MROH1: variants seen among roughly 807,000 people sequenced by gnomAD.
MROH1 encodes maestro heat like repeat family member 1, also known as maestro heat-like repeat-containing protein family member 1.
In MROH1, 117 loss-of-function variants were observed where a neutral mutation model predicts 116.5. The ratio of observed to expected loss-of-function variants is 1.00; its 90% CI spans 0.86 to 1.17. The LOEUF is 1.17. Ranked by LOEUF, MROH1 falls within the 50% of genes most tolerant of loss-of-function variation. MROH1 has a pLI of 0.00. For synonymous variants in MROH1, 921 were observed against 583.9 expected (o/e 1.58, Z -8.32); for missense variants, 1,873 against 1,338.5 (o/e 1.40, Z -6.23).
intron 12 of MROH1, among the ~76,000 whole-genome samples, chr8:144,203,702 A>G (rs1311810660): frequency 6.6e-6 from 1 of 152,110 alleles, no homozygotes; most frequent in African/African-American, 2.4e-5. Context: ...CACAGAAAGT[A>G]AAGCATCTGC....
chr8:144,183,686 G>T (rs1295709966), intron 7 of MROH1, among the ~76,000 whole-genome samples: 9 of 150,898 alleles, frequency 6.0e-5, no homozygotes, highest in Non-Finnish European at 8.8e-5. Flanking sequence ...TCGCTCTGTT[G>T]CCCAGGCTGG....
In MROH1 at chr8:144,223,172, G is replaced by C. The variant is rs1354461764; in HGVS notation, c.1280G>C (p.Gly427Ala). 1.9e-6 allele frequency: 3 copies of C among 1,612,516 alleles called. No individual in the cohort carries two copies. The highest frequency in any genetic ancestry group is 3.3e-5 in the Admixed American group (2 of 59,784). The change falls in exon 14 of 44, where the codon GGA becomes GCA. Residue 427 changes from glycine (G) to alanine (A), a missense_variant. Coordinates refer to ENST00000326134, the MANE Select transcript of MROH1 (RefSeq NM_032450.3). Reference protein sequence around the residue: ...MAHHGYLEQPGGEAMIEYIVQ... With the variant: ...MAHHGYLEQPAGEAMIEYIVQ... ...CACCACGGCTACCTGGAGCAGCCTG[G>C]AGGTGAGGCGATGATCGAGTACATC...
chr8:144,232,259 C>A (rs1283473580), intron 14 of MROH1, among the ~76,000 whole-genome samples: 2 of 152,136 alleles, frequency 1.3e-5, no homozygotes, highest in Non-Finnish European at 2.9e-5. Flanking sequence ...CCATGAGAGG[C>A]ACTGTTTTTG....
At position 144,261,009 on chromosome 8, in the gene MROH1, G is replaced by A. The variant is rs1004505802; in HGVS notation, c.4639G>A (p.Gly1547Arg). 5.0e-5 allele frequency: 39 copies of A among 776,474 alleles called. No homozygotes were observed. Among genetic ancestry groups the A allele is most frequent in the African/African-American group, 2.7e-4 (16 of 59,006 alleles). 48.1% of individuals were successfully genotyped at this position (776,474 alleles called of 1,614,324 possible). The change falls in exon 41 of 44, where the codon GGG becomes AGG. Residue 1547 changes from glycine (G) to arginine (R), a missense_variant. By Grantham distance (125) the Gly-to-Arg change is moderately radical. Coordinates refer to ENST00000326134, the MANE Select transcript of MROH1 (RefSeq NM_032450.3). ...GCAGGAGGGCCGAGCCCTGCACTTCGGGGAGTTCCTCAACACCACCTGCAA... is the reference window on the plus strand; with the variant it reads ...GCAGGAGGGCCGAGCCCTGCACTTCAGGGAGTTCCTCAACACCACCTGCAA... ...HLQEGRALHF[G>R]EFLNTTCKHL...
At position 144,245,233 on chromosome 8, in the gene MROH1, C is replaced by G; in HGVS notation, c.2844C>G (p.Arg948=). The change falls in exon 29 of 44, where the codon CGC becomes CGG. Residue 948 remains arginine (R), a synonymous_variant. Coordinates refer to ENST00000326134, the MANE Select transcript of MROH1 (RefSeq NM_032450.3). ...TGGGCCTGAGCGCCCTCCTGCTGCG[C>G]TACTTCCTGGAGCACCTGCGTGTCA... ...RALGLSALLL[R]YFLEHLRVSA... is the part of the protein sequence containing the mutation. 1 of 778,936 alleles carries G rather than the reference C, an allele frequency of 1.3e-6. No individual in the cohort carries two copies. The highest frequency in any genetic ancestry group is 2.4e-6 in the Non-Finnish European group (1 of 417,780). 48.3% of individuals were successfully genotyped at this position (778,936 alleles called of 1,614,324 possible).
At chr8:144,254,479 G>C (rs1049078979) in intron 33 of MROH1, 4 of 267,110 alleles carry the variant, frequency 1.5e-5, no homozygotes, top group Non-Finnish European at 2.9e-5. Flanking sequence ...GTGACGTCCT[G>C]AGGCCTGGGC....
intron 22 of MROH1, among the ~76,000 whole-genome samples, chr8:144,242,012 A>G (rs1193125768): frequency 4.6e-5 from 7 of 152,230 alleles, no homozygotes; most frequent in Non-Finnish European, 1.0e-4. Flanking sequence ...ATGGAGGCTG[A>G]TCTGCAGCGA....
At chr8:144,178,579 A>G (rs1012069499) in intron 4 of MROH1, among the ~76,000 whole-genome samples, 7 of 152,142 alleles carry the variant, frequency 4.6e-5, no homozygotes, top group African/African-American at 1.7e-4. Flanking sequence ...GGGTTTTTGC[A>G]GGTCACCTCT....
chr8:144,216,237 G>A (rs984094471), intron 12 of MROH1, among the ~76,000 whole-genome samples: 4 of 151,896 alleles, frequency 2.6e-5, no homozygotes, highest in African/African-American at 7.3e-5. Flanking sequence ...CACTTTTGGA[G>A]GCTGAGGTGG....
intron 14 of MROH1, 138 bp downstream of exon 14, chr8:144,223,368 T>C: frequency 8.7e-7 from 1 of 1,154,992 alleles, no homozygotes; most frequent in Non-Finnish European, 1.2e-6. Context: ...CCCTCTGCTG[T>C]CTTTTGTTTA....
At chr8:144,157,992 T>TC (rs1231571343) in intron 1 of MROH1, among the ~76,000 whole-genome samples, 393 of 138,144 alleles carry the variant, frequency 2.8e-3, no homozygotes, top group African/African-American at 0.01. Flanking sequence ...TTTCTTTCTT[T>TC]TTTTTTTTTT....
At chr8:144,192,259 T>C (rs780903183) in intron 9 of MROH1, 50 bp from the exon 10 acceptor site, 15 of 1,489,056 alleles carry the variant, frequency 1.0e-5, no homozygotes, top group Non-Finnish European at 1.4e-5. Flanking sequence ...CTTAGTCAGT[T>C]CGGGCGGCTG....
chr8:144,179,948 CGTGTGGGGT>C (rs1825143164), intron 5 of MROH1, among the ~76,000 whole-genome samples: 2 of 147,622 alleles, frequency 1.4e-5, no homozygotes, highest in East Asian at 4.1e-4. Context: ...GCTGCTCCTG[CGTGTGGGGT>C]CTCCTCAGCA....
At position 144,170,330 on chromosome 8, in the gene MROH1, A is replaced by G. The variant is rs553403784; in HGVS notation, c.168+1890A>G. 2.0e-5 allele frequency among the ~76,000 whole-genome samples: 3 copies of G among 152,240 alleles called. No homozygotes were observed. The South Asian group carries it at 6.2e-4, about 32-fold the overall frequency. The stretch of plus-strand genomic sequence containing the variant: ...TTTACATTTTTTTAACTGAATTTTT[A>G]AAAAGTCTGCCTTCACAGTTGCATA... On this transcript the variant is annotated intron_variant, in intron 4 of 43. Transcript: ENST00000326134.
chr8:144,209,073 G>A (rs952873436), intron 12 of MROH1, among the ~76,000 whole-genome samples: 4 of 123,636 alleles, frequency 3.2e-5, no homozygotes, highest in African/African-American at 1.2e-4. Flanking sequence ...GTGTGTGTGT[G>A]TTTAGTGGAG....
intron 3 of MROH1, among the ~76,000 whole-genome samples, chr8:144,166,116 G>A (rs1283421879): frequency 6.6e-6 from 1 of 151,728 alleles, no homozygotes; most frequent in Non-Finnish European, 1.5e-5. Context: ...TGACCTCAGG[G>A]GATCCACCCA....
intron 14 of MROH1, among the ~76,000 whole-genome samples, chr8:144,231,536 G>A (rs1019437436): frequency 9.9e-5 from 15 of 152,212 alleles, no homozygotes; most frequent in Non-Finnish European, 1.9e-4. Context: ...CAGAGGGCGA[G>A]AGGTGGGGAG....
At chr8:144,217,511 C>A (rs578218458) in intron 12 of MROH1, among the ~76,000 whole-genome samples, 1 of 152,234 alleles carries the variant, frequency 6.6e-6, no homozygotes. Flanking sequence ...TCTATCCAGG[C>A]TGAAAGTTCT....
At chr8:144,260,396 GA>G in intron 39 of MROH1, 22 bp downstream of exon 39, 1 of 706,592 alleles carries the variant, frequency 1.4e-6, no homozygotes. Flanking sequence ...GGGGCAGGGG[GA>G]GGGAAGAGGG....
Sources: gnomAD v4.1 joint callset for allele counts (sites outside exome capture counted in the v4.1 genomes callset) on GRCh38, gnomAD v4.1.1 for gene constraint, MANE v1.5 for transcripts, NCBI Gene and HGNC (gene_info 2026-07-23, HGNC 2026-07-21) for gene names.